Variants in PCDH9 observed in about 807,000 individuals in gnomAD.
PCDH9 encodes protocadherin 9.
A neutral mutation model predicts 70.6 loss-of-function variants in PCDH9; 24 were observed. That is an observed-to-expected ratio of 0.34 (90% confidence interval 0.25 to 0.48). The LOEUF is 0.48. Ranked by LOEUF, PCDH9 falls within the 20% of genes least tolerant of loss-of-function variation. PCDH9 has a pLI of 0.99. For missense variants in PCDH9, 1,281 were observed against 1,503.6 expected, an observed-to-expected ratio of 0.85 and a Z score of 2.45; for synonymous variants, 562 against 558.5, an observed-to-expected ratio of 1.01 and a Z score of -0.09.
intron 3 of PCDH9, among the ~76,000 whole-genome samples, chr13:66,897,768 T>C (rs1441132967): frequency 6.6e-6 from 1 of 152,132 alleles, no homozygotes; most frequent in Non-Finnish European, 1.5e-5. Flanking sequence ...CTGTCAAATA[T>C]TTTAATGATT....
chr13:66,997,337 G>A (rs1229366154), intron 2 of PCDH9, among the ~76,000 whole-genome samples: 1 of 152,074 alleles, frequency 6.6e-6, no homozygotes, highest in Non-Finnish European at 1.5e-5. Context: ...GCAAGGGCAG[G>A]AGCAAGAAAG....
At chr13:66,824,325 A>T (rs1313549458) in intron 3 of PCDH9, among the ~76,000 whole-genome samples, 1 of 52,870 alleles carries the variant, frequency 1.9e-5, no homozygotes, top group African/African-American at 5.9e-5. Context: ...ATATATATAT[A>T]TATATATATA....
Position 66,892,218 on chromosome 13 carries a change from AAT to A in PCDH9, c.3138+11284_3138+11285del, listed in dbSNP as rs533890515. Among the ~76,000 whole-genome samples the A allele has an allele frequency of 5.1e-3, 747 of 147,134 alleles. 2 individuals carry two copies. Among genetic ancestry groups the A allele is most frequent in the African/African-American group, 5.8e-3 (230 of 39,788 alleles). On this transcript the variant is annotated intron_variant, in intron 3 of 4. Coordinates refer to ENST00000377865, the MANE Select transcript of PCDH9 (RefSeq NM_203487.3). ...ATGTGTTATGTGTGTGTATATATATAATATATATATATAATGTGTGTGTGTAT... is the reference window on the plus strand; with the variant it reads ...ATGTGTTATGTGTGTGTATATATATAATATATATATAATGTGTGTGTGTAT...
chr13:66,736,785 T>C (rs1459085171), intron 3 of PCDH9, among the ~76,000 whole-genome samples: 1 of 152,208 alleles, frequency 6.6e-6, no homozygotes, highest in Non-Finnish European at 1.5e-5. Context: ...TATTCTCCCA[T>C]TTCTGAAACA....
intron 4 of PCDH9, among the ~76,000 whole-genome samples, chr13:66,419,081 A>G (rs940370229): frequency 2.6e-5 from 4 of 152,136 alleles, no homozygotes; most frequent in African/African-American, 9.7e-5. Flanking sequence ...AGGCTCTGAA[A>G]TTGAGGCAAT....
intron 2 of PCDH9, among the ~76,000 whole-genome samples, chr13:67,089,893 T>C (rs1341165739): frequency 6.6e-6 from 1 of 152,004 alleles, no homozygotes; most frequent in East Asian, 1.9e-4. Context: ...TTCCTGTACA[T>C]GTAACTACAA....
intron 2 of PCDH9, among the ~76,000 whole-genome samples, chr13:67,133,180 T>C (rs1409607296): frequency 6.6e-6 from 1 of 152,030 alleles, no homozygotes; most frequent in African/African-American, 2.4e-5. Context: ...ATAAAATAAA[T>C]TTGACATGTG....
chr13:66,336,096 T>A (rs182588624), intron 4 of PCDH9, among the ~76,000 whole-genome samples: 1 of 151,964 alleles, frequency 6.6e-6, no homozygotes, highest in African/African-American at 2.4e-5. Context: ...ATAAATGAGA[T>A]ATGAAAGGCC....
chr13:66,603,480 A>G (rs2138850641), intron 4 of PCDH9, among the ~76,000 whole-genome samples: 1 of 152,122 alleles, frequency 6.6e-6, no homozygotes, highest in South Asian at 2.1e-4. Flanking sequence ...GTCTTTGAAA[A>G]TTGTTCAATG....
At chr13:66,428,704 T>C (rs1334492353) in intron 4 of PCDH9, among the ~76,000 whole-genome samples, 1 of 151,832 alleles carries the variant, frequency 6.6e-6, no homozygotes, top group Non-Finnish European at 1.5e-5. Flanking sequence ...ATATACGAGA[T>C]ATTTAGGGTA....
chr13:66,554,939 G>A (rs1961660673), intron 4 of PCDH9, among the ~76,000 whole-genome samples: 2 of 152,114 alleles, frequency 1.3e-5, no homozygotes, highest in South Asian at 4.2e-4. Context: ...GGAGGCCGAG[G>A]CAGGCAGACC....
At chr13:66,784,062 A>G (rs960739377) in intron 3 of PCDH9, among the ~76,000 whole-genome samples, 3 of 152,170 alleles carry the variant, frequency 2.0e-5, no homozygotes, top group Non-Finnish European at 4.4e-5. Flanking sequence ...AAAAATAGCC[A>G]TATAAAAATT....
intron 3 of PCDH9, among the ~76,000 whole-genome samples, chr13:66,791,686 T>G (rs1287721689): frequency 6.6e-6 from 1 of 152,142 alleles, no homozygotes; most frequent in Non-Finnish European, 1.5e-5. Context: ...ATTATGTAAA[T>G]TGTATAATTT....
chr13:66,399,352 G>C (rs990690499), intron 4 of PCDH9, among the ~76,000 whole-genome samples: 4 of 152,030 alleles, frequency 2.6e-5, no homozygotes, highest in Non-Finnish European at 4.4e-5. Context: ...TTAAGCCTGG[G>C]GTCAGACTGC....
At chr13:66,356,921 G>T (rs1443525455) in intron 4 of PCDH9, among the ~76,000 whole-genome samples, 1 of 151,994 alleles carries the variant, frequency 6.6e-6, no homozygotes, top group Admixed American at 6.6e-5. Context: ...ATCGGCTTAA[G>T]GTTACAGGGT....
At chr13:66,809,656 C>G (rs1230060206) in intron 3 of PCDH9, among the ~76,000 whole-genome samples, 1 of 152,168 alleles carries the variant, frequency 6.6e-6, no homozygotes, top group African/African-American at 2.4e-5. Context: ...TAGAGACTTT[C>G]AGGTCACTGG....
At chr13:66,874,914 AGTGTGTGTGT>A (rs36045690) in intron 3 of PCDH9, among the ~76,000 whole-genome samples, 1 of 137,402 alleles carries the variant, frequency 7.3e-6, no homozygotes, top group African/African-American at 2.8e-5. Context: ...CAAAAGCAGC[AGTGTGTGTGT>A]GTGTGTGTGT....
rs546018306 is a variant in PCDH9 at position 66,871,181 on chromosome 13, T to C, written c.3138+32323A>G. ...CATATTCTCACTCATAGGTGGGAAT[T>C]GAACAATGAGATCACATGGACACAT... On this transcript the variant is annotated intron_variant, in intron 3 of 4. Transcript: ENST00000377865. Among the ~76,000 whole-genome samples the C allele has an allele frequency of 3.4e-3, 501 of 146,324 alleles. 3 individuals are homozygous for C. Among genetic ancestry groups the C allele is most frequent in the African/African-American group, 0.012 (474 of 39,174 alleles).
At chr13:67,168,040 A>G (rs2088171941) in intron 2 of PCDH9, among the ~76,000 whole-genome samples, 1 of 152,212 alleles carries the variant, frequency 6.6e-6, no homozygotes, top group African/African-American at 2.4e-5. Flanking sequence ...AAAAGCTCAA[A>G]TTAAAAATGA....
Sources: allele counts gnomAD v4.1 joint callset (sites outside exome capture counted in the v4.1 genomes callset), GRCh38; gene constraint gnomAD v4.1.1; transcripts MANE v1.5; gene names NCBI Gene and HGNC (gene_info 2026-07-23, HGNC 2026-07-21).